TP73: variants seen among roughly 807,000 people sequenced by gnomAD.
TP73 encodes the protein tumor protein p73.
In TP73, 25 loss-of-function variants were observed where a neutral mutation model predicts 62.5. The ratio of observed to expected loss-of-function variants is 0.40; its 90% CI spans 0.29 to 0.56. TP73 has a LOEUF of 0.56. TP73 is among the 20% of genes least tolerant of loss of function. The pLI is 0.46. For missense variants in TP73, 754 were observed against 913.3 expected (o/e 0.83, Z 2.25); for synonymous variants, 423 against 377.5 (o/e 1.12, Z -1.40).
intron 7 of TP73, 144 bp downstream of exon 7, chr1:3,727,368 C>A: frequency 1.0e-6 from 1 of 982,344 alleles, no homozygotes; most frequent in Non-Finnish European, 1.5e-6. Flanking sequence ...AAGGAACCGC[C>A]CCCTGGCCTG....
chr1:3,697,626 C>T (rs1279456508), intron 3 of TP73, among the ~76,000 whole-genome samples: 4 of 152,334 alleles, frequency 2.6e-5, no homozygotes, highest in African/African-American at 7.2e-5. Flanking sequence ...GGTCGTGTCT[C>T]GTGCCGGCTG....
intron 1 of TP73, among the ~76,000 whole-genome samples, chr1:3,678,954 AC>A (rs760965539): frequency 1.2e-4 from 18 of 151,434 alleles, no homozygotes; most frequent in Non-Finnish European, 1.3e-4. Context: ...CCCCTTTCCC[AC>A]CCCACATGCT....
At chr1:3,714,621 G>A (rs1351266199) in intron 4 of TP73, among the ~76,000 whole-genome samples, 1 of 152,270 alleles carries the variant, frequency 6.6e-6, no homozygotes, top group Non-Finnish European at 1.5e-5. Flanking sequence ...CCGGAGGAGA[G>A]GCCAGGCTAC....
At chr1:3,692,786 C>T (rs1192551857) in intron 3 of TP73, among the ~76,000 whole-genome samples, 4 of 152,088 alleles carry the variant, frequency 2.6e-5, no homozygotes, top group Admixed American at 2.0e-4. Flanking sequence ...CTCACCCTCT[C>T]GGGGGACTCC....
At chr1:3,724,689 C>T (rs1641360202) in intron 6 of TP73, among the ~76,000 whole-genome samples, 1 of 152,252 alleles carries the variant, frequency 6.6e-6, no homozygotes, top group African/African-American at 2.4e-5. Context: ...ATGAAAACTG[C>T]CCACATTGTG....
chr1:3,731,807 G>A (rs1362141449), intron 13 of TP73, among the ~76,000 whole-genome samples: 1 of 152,240 alleles, frequency 6.6e-6, no homozygotes, highest in Admixed American at 6.5e-5. Flanking sequence ...TGGACTCCCA[G>A]CAGCCAGTGT....
intron 3 of TP73, among the ~76,000 whole-genome samples, chr1:3,705,883 T>TG (rs909270875): frequency 1.3e-5 from 2 of 152,162 alleles, no homozygotes; most frequent in African/African-American, 4.8e-5. Context: ...TCCTAGGACC[T>TG]GCAGAGCCGA....
intron 3 of TP73, among the ~76,000 whole-genome samples, chr1:3,689,501 C>T (rs1645752790): frequency 6.6e-6 from 1 of 152,110 alleles, no homozygotes; most frequent in Admixed American, 6.5e-5. Context: ...TCAGCCCGGC[C>T]TGCTGGTGGG....
At chr1:3,729,653 C>A (rs773352861) in intron 10 of TP73, 1 of 915,860 alleles carries the variant, frequency 1.1e-6, no homozygotes, top group Admixed American at 1.8e-5. Flanking sequence ...TGGGTCATGG[C>A]CCTTGCTATG....
Position 3,666,571 on chromosome 1 carries a change from G to T in TP73, c.-34+13930G>T, listed in dbSNP as rs1311906875. On this transcript the variant is annotated intron_variant, in intron 1 of 13. Transcript: ENST00000378295. The surrounding 1 kb of genome is among the most constrained non-coding windows in gnomAD (Gnocchi z 6.4). ...AGTGAAGGTGGGTGCGTGGGCGGGG[G>T]GCTTTTAATGGTCCCTCTGCTGGCT... 6.6e-6 allele frequency among the ~76,000 whole-genome samples: 1 copy of T among 152,088 alleles called. No individual in the cohort carries two copies. The highest frequency in any genetic ancestry group is 1.5e-5 in the Non-Finnish European group (1 of 68,022).
chr1:3,730,955 C>CT lies in TP73; in HGVS notation c.1374_1375insT (p.Ala459CysfsTer68). ...CCGGGATGCTCAACAACCATGGCCA[C>CT]GCAGTGCCAGCCAACGGCGAGATGA... On this transcript the variant is annotated frameshift_variant, in exon 12 of 14. Coordinates refer to ENST00000378295, the MANE Select transcript of TP73 (RefSeq NM_005427.4). LOFTEE classifies it high-confidence loss of function. 1 of 1,610,674 alleles carries CT rather than the reference C, an allele frequency of 6.2e-7. No homozygotes were observed. Among genetic ancestry groups the CT allele is most frequent in the Non-Finnish European group, 8.5e-7 (1 of 1,179,150 alleles).
chr1:3,721,042 T>C (rs910616212), intron 4 of TP73, among the ~76,000 whole-genome samples: 7 of 152,194 alleles, frequency 4.6e-5, no homozygotes, highest in African/African-American at 1.7e-4. Flanking sequence ...TCATTCCTGA[T>C]GGCCCTTTGG....
chr1:3,654,297 C>A (rs560914174), intron 1 of TP73, among the ~76,000 whole-genome samples: 1 of 152,096 alleles, frequency 6.6e-6, no homozygotes, highest in Non-Finnish European at 1.5e-5. Context: ...TGTCTATGCG[C>A]GGCGGCCACC....
chr1:3,707,895 C>T, intron 4 of TP73, 104 bp downstream of exon 4: 1 of 1,479,294 alleles, frequency 6.8e-7, no homozygotes, highest in Non-Finnish European at 9.0e-7. Context: ...GCCCCACTGT[C>T]TGCTCGGGGT....
At chr1:3,711,443 G>A (rs1640132433) in intron 4 of TP73, among the ~76,000 whole-genome samples, 1 of 152,268 alleles carries the variant, frequency 6.6e-6, no homozygotes, top group Non-Finnish European at 1.5e-5. Context: ...GGCAGAGAAT[G>A]AACAGGAGTT....
rs1209573782 is a variant in TP73 at position 3,727,750 on chromosome 1, A to T, written c.965A>T (p.Asn322Ile). 1.9e-6 allele frequency: 3 copies of T among 1,547,320 alleles called. No individual in the cohort carries two copies. The Admixed American group carries it at 5.9e-5, about 30-fold the overall frequency. Reference sequence around the variant, plus strand: ...GCCCTGAACGAGAGCTCCGCCAAGAACGGGGCCGCCAGCAAGCGTGGTGAG... The same window carrying T: ...GCCCTGAACGAGAGCTCCGCCAAGATCGGGGCCGCCAGCAAGCGTGGTGAG... ...QQALNESSAK[N>I]GAASKRAFKQ... is the part of the protein sequence containing the mutation. The change falls in exon 8 of 14, where the codon AAC (asparagine) becomes ATC (isoleucine). Residue 322 changes from asparagine (N) to isoleucine (I), a missense_variant. Physicochemically the swap from Asn to Ile is moderately radical, Grantham distance 149 (BLOSUM62 -3). Around this residue, in one of 3 missense-constraint regions of TP73, gnomAD observed 458 missense variants for 528.7 expected, o/e 0.87. Coordinates refer to ENST00000378295, the MANE Select transcript of TP73 (RefSeq NM_005427.4).
intron 3 of TP73, among the ~76,000 whole-genome samples, chr1:3,687,851 G>C (rs1248465637): frequency 1.3e-5 from 2 of 152,182 alleles, no homozygotes; most frequent in African/African-American, 4.8e-5. Context: ...GCAGAAGGCA[G>C]GCTGATCTAC....
intron 6 of TP73, among the ~76,000 whole-genome samples, chr1:3,725,265 T>C (rs985727068): frequency 6.6e-6 from 1 of 152,050 alleles, no homozygotes; most frequent in Admixed American, 6.6e-5. Context: ...CACAGGACTC[T>C]GTGCTTCTCT....
At chr1:3,710,080 AC>A (rs748267332) in intron 4 of TP73, among the ~76,000 whole-genome samples, 48 of 151,704 alleles carry the variant, frequency 3.2e-4, no homozygotes, top group Middle Eastern at 3.4e-3. Context: ...GTCTGCTCAG[AC>A]CAGGCATCCC....
Sources: gnomAD v4.1 joint callset for allele counts (sites outside exome capture counted in the v4.1 genomes callset) on GRCh38, gnomAD v4.1.1 for gene constraint, gnomAD v4.1.1 regional missense constraint, Gnocchi (gnomAD v3.1) non-coding constraint, MANE v1.5 for transcripts, NCBI Gene and HGNC (gene_info 2026-07-23, HGNC 2026-07-21) for gene names.